The following DCDC1 variants were observed in gnomAD, a reference collection of about 807,000 sequenced individuals.
DCDC1 encodes the protein doublecortin domain containing 1, also known as doublecortin domain-containing protein 1.
DCDC1 carries 200 observed loss-of-function variants against 178.3 expected under a neutral mutation model. The observed-to-expected ratio is 1.12, with a 90% CI of 1.00 to 1.26. The LOEUF (loss-of-function observed/expected upper bound fraction) is 1.26, where lower values mean the gene tolerates loss of function less well. Ranked by LOEUF, DCDC1 falls within the 50% of genes most tolerant of loss-of-function variation. DCDC1 has a pLI of 0.00. For synonymous variants in DCDC1, 690 were observed against 604.8 expected (o/e 1.14, Z -2.07); for missense variants, 1,983 against 1,749.2 (o/e 1.13, Z -2.38).
intron 9 of DCDC1, among the ~76,000 whole-genome samples, chr11:31,142,073 A>G (rs1565339776): frequency 6.6e-6 from 1 of 152,190 alleles, no homozygotes; most frequent in Admixed American, 6.5e-5. Context: ...GTTTCTAGCC[A>G]TTGCTGGCTG....
At chr11:31,215,142 A>C (rs1973375646) in intron 9 of DCDC1, 1 of 250,584 alleles carries the variant, frequency 4.0e-6, no homozygotes, top group Non-Finnish European at 8.1e-6. Context: ...CTAAAATAGA[A>C]ATTTCTTAGA....
intron 9 of DCDC1, among the ~76,000 whole-genome samples, chr11:31,234,649 A>G (rs912596485): frequency 1.3e-5 from 2 of 150,848 alleles, no homozygotes; most frequent in Admixed American, 1.3e-4. Context: ...TTCTTCAAGG[A>G]AAAAAAATTC....
intron 21 of DCDC1, among the ~76,000 whole-genome samples, chr11:30,933,829 C>A (rs773090050): frequency 6.6e-6 from 1 of 152,204 alleles, no homozygotes. Flanking sequence ...TCCAAACCAA[C>A]CTTCTACCCA....
At chr11:31,218,811 A>G (rs1973892670) in intron 9 of DCDC1, among the ~76,000 whole-genome samples, 2 of 152,122 alleles carry the variant, frequency 1.3e-5, no homozygotes, top group African/African-American at 4.8e-5. Flanking sequence ...ATTAACTAGT[A>G]TATTAGTTGT....
At chr11:31,021,380 G>A (rs1398389099) in intron 20 of DCDC1, among the ~76,000 whole-genome samples, 1 of 152,026 alleles carries the variant, frequency 6.6e-6, no homozygotes, top group Non-Finnish European at 1.5e-5. Flanking sequence ...TCCATACAAC[G>A]GAATAATATG....
At chr11:31,365,707 T>C (rs368775148) in intron 1 of DCDC1, among the ~76,000 whole-genome samples, 25 of 152,246 alleles carry the variant, frequency 1.6e-4, no homozygotes, top group African/African-American at 5.8e-4. Context: ...GATCTTAAAC[T>C]CCTGATGTAT....
At chr11:30,869,923 G>A (rs1941378341) in intron 38 of DCDC1, among the ~76,000 whole-genome samples, 1 of 152,094 alleles carries the variant, frequency 6.6e-6, no homozygotes, top group African/African-American at 2.4e-5. Context: ...ATTCTAGAAA[G>A]ATCATTCTGG....
intron 1 of DCDC1, among the ~76,000 whole-genome samples, chr11:31,368,683 C>T (rs1359130777): frequency 6.6e-6 from 1 of 152,034 alleles, no homozygotes; most frequent in Non-Finnish European, 1.5e-5. Flanking sequence ...ATTTATTCTG[C>T]TTAAGTTTAT....
intron 20 of DCDC1, among the ~76,000 whole-genome samples, chr11:30,957,849 C>A (rs1948859268): frequency 6.6e-6 from 1 of 152,130 alleles, no homozygotes. Context: ...GGCTCAGGCT[C>A]AAGCAAATCC....
chr11:31,266,655 T>C (rs1945187339), intron 7 of DCDC1, among the ~76,000 whole-genome samples: 1 of 152,188 alleles, frequency 6.6e-6, no homozygotes. Context: ...AAACAGAACA[T>C]CTTTCAACTG....
chr11:31,119,352 A>T (rs986585824), intron 11 of DCDC1, among the ~76,000 whole-genome samples: 2 of 152,188 alleles, frequency 1.3e-5, no homozygotes, highest in Admixed American at 6.6e-5. Context: ...ATGAACGCAA[A>T]GTTGGCATGT....
At chr11:31,063,533 G>A (rs149729617) in intron 20 of DCDC1, among the ~76,000 whole-genome samples, 1 of 152,194 alleles carries the variant, frequency 6.6e-6, no homozygotes, top group African/African-American at 2.4e-5. Flanking sequence ...ATTGAAATAA[G>A]TTTTTTGTCT....
intron 9 of DCDC1, among the ~76,000 whole-genome samples, chr11:31,200,946 G>GA (rs887864674): frequency 3.0e-4 from 44 of 146,640 alleles, no homozygotes; most frequent in African/African-American, 2.8e-4. Context: ...GCTCTTAGGA[G>GA]AAAAAAAAAA....
chr11:30,981,585 G>A (rs1038825405), intron 20 of DCDC1, among the ~76,000 whole-genome samples: 2 of 151,824 alleles, frequency 1.3e-5, no homozygotes, highest in African/African-American at 4.8e-5. Flanking sequence ...AAATTTTAAG[G>A]GCTGTTCACC....
chr11:30,948,019 G>T (rs1948164657), intron 21 of DCDC1, among the ~76,000 whole-genome samples: 1 of 152,136 alleles, frequency 6.6e-6, no homozygotes, highest in Non-Finnish European at 1.5e-5. Context: ...TCAGGCAAGA[G>T]AAAGAAATAA....
chr11:31,021,578 G>A (rs1378434898), intron 20 of DCDC1, among the ~76,000 whole-genome samples: 1 of 152,084 alleles, frequency 6.6e-6, no homozygotes, highest in Non-Finnish European at 1.5e-5. Flanking sequence ...AGATCCACAA[G>A]TAACTAAGGG....
At position 31,106,794 on chromosome 11, in the gene DCDC1, T is replaced by C; in HGVS notation, c.1751+3A>G. On this transcript the variant is annotated splice_donor_region_variant and intron_variant, in intron 13 of 38. Transcript: ENST00000684477. ...GGACAGAAAACAAACCCCTTGCTCC[T>C]ACCTGTATGCTCTACCATAAGAGAC... The C allele has an allele frequency of 1.3e-6, 1 of 766,010 alleles. No homozygotes were observed. The highest frequency in any genetic ancestry group is 2.4e-6 in the Non-Finnish European group (1 of 417,724). 47.5% of individuals were successfully genotyped at this position (766,010 alleles called of 1,614,324 possible).
Position 31,307,642 on chromosome 11 carries a change from A to G in DCDC1, c.431T>C (p.Leu144Pro), listed in dbSNP as rs562781424. 1 of 1,613,956 alleles carries G rather than the reference A, an allele frequency of 6.2e-7. No individual in the cohort carries two copies. Among genetic ancestry groups the G allele is most frequent in the African/African-American group, 1.3e-5 (1 of 75,056 alleles). ...NRPVSAPVGQLRVAEFSSLKF... is the reference protein window; with the variant it reads ...NRPVSAPVGQPRVAEFSSLKF... ...AACAGAGAACAGCTTTGATTACCTC[A>G]GTTGACCCACTGGAGCACTGACAGG... The change falls in exon 4 of 39, where the codon CTG (leucine) becomes CCG (proline). Residue 144 changes from leucine (L) to proline (P), a missense_variant. By Grantham distance (98) the Leu-to-Pro change is moderately conservative (BLOSUM62 -3). Coordinates refer to ENST00000684477, the MANE Select transcript of DCDC1 (RefSeq NM_001387274.1).
intron 13 of DCDC1, among the ~76,000 whole-genome samples, chr11:31,106,171 C>T (rs911087074): frequency 6.6e-6 from 1 of 152,200 alleles, no homozygotes; most frequent in African/African-American, 2.4e-5. Context: ...TTACACAATG[C>T]TCAGCAATAA....
Sources: gnomAD v4.1 joint callset for allele counts (sites outside exome capture counted in the v4.1 genomes callset) on GRCh38, gnomAD v4.1.1 for gene constraint, MANE v1.5 for transcripts, NCBI Gene and HGNC (gene_info 2026-07-23, HGNC 2026-07-21) for gene names.